The following ATP6V0A2 variants were observed in gnomAD, a reference collection of about 807,000 sequenced individuals.
ATP6V0A2 encodes ATPase H+ transporting V0 subunit a2.
ATP6V0A2 carries 58 observed loss-of-function variants against 104.4 expected under a neutral mutation model. The observed-to-expected ratio is 0.56, with a 90% CI of 0.45 to 0.69. The LOEUF is 0.69. Ranked by LOEUF, ATP6V0A2 falls within the 30% of genes least tolerant of loss-of-function variation. The probability of loss-of-function intolerance (pLI) is 0.00; values close to 1 mark genes in which losing one functional copy is unlikely to be tolerated. For synonymous variants in ATP6V0A2, 376 were observed against 397.9 expected, an observed-to-expected ratio of 0.95 and a Z score of 0.65; for missense variants, 938 against 1,062.9, an observed-to-expected ratio of 0.88 and a Z score of 1.63.
intron 5 of ATP6V0A2, 109 bp from the exon 6 acceptor site, chr12:123,727,674 T>G: frequency 7.2e-7 from 1 of 1,388,748 alleles, no homozygotes; most frequent in Non-Finnish European, 1.0e-6. Flanking sequence ...TGGAGGGCTC[T>G]CAGGATGTCT....
intron 9 of ATP6V0A2, among the ~76,000 whole-genome samples, chr12:123,740,909 G>A (rs918275006): frequency 6.7e-6 from 1 of 150,236 alleles, no homozygotes; most frequent in Non-Finnish European, 1.5e-5. Flanking sequence ...TCATTTCTGA[G>A]TCTTTTAAAA....
chr12:123,720,941 C>A (rs1171401513), intron 2 of ATP6V0A2, among the ~76,000 whole-genome samples: 2 of 151,944 alleles, frequency 1.3e-5, no homozygotes, highest in Non-Finnish European at 2.9e-5. Flanking sequence ...CCTCTTAGAC[C>A]CAGTGCTTCC....
intron 6 of ATP6V0A2, among the ~76,000 whole-genome samples, chr12:123,728,195 G>T (rs981272398): frequency 2.6e-5 from 4 of 152,184 alleles, no homozygotes; most frequent in Non-Finnish European, 5.9e-5. Context: ...TCAAAGCAAA[G>T]AATGTAATTT....
chr12:123,735,061 G>T (rs1350048950), intron 7 of ATP6V0A2, among the ~76,000 whole-genome samples: 2 of 152,112 alleles, frequency 1.3e-5, no homozygotes, highest in Non-Finnish European at 2.9e-5. Context: ...TGCAGTCTGG[G>T]TGCCGAGTGG....
At chr12:123,743,260 T>C (rs537982647) in intron 9 of ATP6V0A2, among the ~76,000 whole-genome samples, 1 of 152,250 alleles carries the variant, frequency 6.6e-6, no homozygotes, top group Non-Finnish European at 1.5e-5. Context: ...CACCCCCTGA[T>C]TCCTCACAGA....
At chr12:123,738,394 C>CAA (rs1054215012) in intron 9 of ATP6V0A2, among the ~76,000 whole-genome samples, 3 of 127,214 alleles carry the variant, frequency 2.4e-5, no homozygotes, top group South Asian at 2.5e-4. Flanking sequence ...AACTTTGTCT[C>CAA]AAAAAAAAAA....
intron 3 of ATP6V0A2, chr12:123,723,722 G>A (rs1413199231): frequency 1.3e-5 from 2 of 152,170 alleles, no homozygotes; most frequent in Non-Finnish European, 2.9e-5. Flanking sequence ...GCTTCCCAAA[G>A]TGCTGGGATT....
intron 9 of ATP6V0A2, among the ~76,000 whole-genome samples, chr12:123,742,250 A>G (rs923112724): frequency 6.6e-6 from 1 of 152,052 alleles, no homozygotes; most frequent in Non-Finnish European, 1.5e-5. Context: ...TTTCCCAGGG[A>G]GGTTCTTTCT....
At chr12:123,717,542 T>G (rs1230000681) in intron 1 of ATP6V0A2, among the ~76,000 whole-genome samples, 1 of 151,378 alleles carries the variant, frequency 6.6e-6, no homozygotes, top group Non-Finnish European at 1.5e-5. Context: ...TCTCCTGGGC[T>G]CAAGCAATCC....
intron 15 of ATP6V0A2, among the ~76,000 whole-genome samples, chr12:123,749,736 T>C (rs867052883): frequency 6.6e-6 from 1 of 152,232 alleles, no homozygotes; most frequent in Non-Finnish European, 1.5e-5. Context: ...CCACGGATGC[T>C]GGTCCAGACA....
At chr12:123,747,143 A>G (rs2135913064) in intron 13 of ATP6V0A2, among the ~76,000 whole-genome samples, 1 of 152,206 alleles carries the variant, frequency 6.6e-6, no homozygotes, top group South Asian at 2.1e-4. Flanking sequence ...ACCATTTCTG[A>G]TTTCATTGTA....
At position 123,726,302 on chromosome 12, in the gene ATP6V0A2, G is replaced by T; in HGVS notation, c.521+17G>T. 1 of 1,590,814 alleles carries T rather than the reference G, an allele frequency of 6.3e-7. No homozygotes were observed. Among genetic ancestry groups the T allele is most frequent in the Non-Finnish European group, 8.6e-7 (1 of 1,158,760 alleles). The stretch of plus-strand genomic sequence containing the variant: ...AAAACTGGGGTAGGTGACAAGGCCT[G>T]GGGTGTCAGGCTTCATACTGCCCTT... On this transcript the variant is annotated intron_variant, in intron 5 of 19. Coordinates refer to ENST00000330342, the MANE Select transcript of ATP6V0A2 (RefSeq NM_012463.4).
Position 123,752,288 on chromosome 12 carries a change from C to G in ATP6V0A2, c.2061C>G (p.Gly687=). ...GRSCFGVNRS[G]YTLIRKDSEE... ...TGTGCTCTTTTGGTTGTTAGAGTGG[C>G]TACACACTTATAAGGAAAGATAGTG... The change falls in exon 17 of 20, where the codon GGC becomes GGG. Residue 687 remains glycine, a synonymous_variant. Transcript: ENST00000330342. 6.2e-7 allele frequency: 1 copy of G among 1,614,084 alleles called. No individual in the cohort carries two copies. Among genetic ancestry groups the G allele is most frequent in the Non-Finnish European group, 8.5e-7 (1 of 1,180,018 alleles).
chr12:123,752,513 G>T, intron 17 of ATP6V0A2, 111 bp downstream of exon 17: 1 of 1,343,026 alleles, frequency 7.4e-7, no homozygotes, highest in South Asian at 1.3e-5. Context: ...AAGAAAATGG[G>T]ACTTCCAGCC....
Position 123,757,314 on chromosome 12 carries a change from G to T in ATP6V0A2, c.2465+328G>T, listed in dbSNP as rs143210914. On this transcript the variant is annotated intron_variant, in intron 19 of 19. Coordinates refer to ENST00000330342, the MANE Select transcript of ATP6V0A2 (RefSeq NM_012463.4). The stretch of plus-strand genomic sequence containing the variant: ...AAATTAGCTGGGTGTGGTGTCGTGC[G>T]CCTATAATACCAGCTTCTTGGGAGA... Among the ~76,000 whole-genome samples, 596 of 152,124 alleles carry T rather than the reference G, an allele frequency of 3.9e-3. 2 individuals are homozygous for T. Among genetic ancestry groups the T allele is most frequent in the African/African-American group, 0.014 (568 of 41,490 alleles).
At chr12:123,726,091 C>T (rs1956446019) in intron 4 of ATP6V0A2, 106 bp from the exon 5 acceptor site, 1 of 817,758 alleles carries the variant, frequency 1.2e-6, no homozygotes, top group African/African-American at 1.7e-5. Flanking sequence ...GCACCCAGAT[C>T]TAAGTAGTTA....
At chr12:123,718,746 A>G (rs935992974) in intron 2 of ATP6V0A2, 45 bp downstream of exon 2, 12 of 1,374,892 alleles carry the variant, frequency 8.7e-6, no homozygotes, top group African/African-American at 5.7e-5. Context: ...TTACCTTTAT[A>G]TAGGCAAACC....
At chr12:123,737,324 T>A in intron 9 of ATP6V0A2, 53 bp downstream of exon 9, 2 of 1,554,788 alleles carry the variant, frequency 1.3e-6, no homozygotes, top group Non-Finnish European at 1.8e-6. Flanking sequence ...CTGATGGAAC[T>A]GATAAATTCA....
intron 3 of ATP6V0A2, among the ~76,000 whole-genome samples, chr12:123,722,753 C>G (rs1343612365): frequency 6.6e-6 from 1 of 152,170 alleles, no homozygotes; most frequent in Non-Finnish European, 1.5e-5. Flanking sequence ...CAGAACAGTT[C>G]ATGATCCTGT....
Sources: allele counts gnomAD v4.1 joint callset (sites outside exome capture counted in the v4.1 genomes callset), GRCh38; gene constraint gnomAD v4.1.1; transcripts MANE v1.5; gene names NCBI Gene and HGNC (gene_info 2026-07-23, HGNC 2026-07-21).